PKHD1L1: variants seen among roughly 807,000 people sequenced by gnomAD.
PKHD1L1 encodes the protein PKHD1 like 1.
A neutral mutation model predicts 462.9 loss-of-function variants in PKHD1L1; 434 were observed. That is an observed-to-expected ratio of 0.94 (90% confidence interval 0.87 to 1.02). The LOEUF (loss-of-function observed/expected upper bound fraction) is 1.02, where lower values mean the gene tolerates loss of function less well. PKHD1L1 is among the 50% of genes least tolerant of loss of function. PKHD1L1 has a pLI of 0.00. For synonymous variants in PKHD1L1, 1,781 were observed against 1,750.0 expected (o/e 1.02, Z -0.44); for missense variants, 5,202 against 5,096.1 (o/e 1.02, Z -0.63).
In PKHD1L1 at chr8:109,448,482, C is replaced by T. The variant is rs1017299555; in HGVS notation, c.6025+91C>T. 3.2e-6 allele frequency: 4 copies of T among 1,233,698 alleles called. No homozygotes were observed. The African/African-American group carries it at 4.7e-5, about 14-fold the overall frequency. 76.4% of individuals were successfully genotyped at this position (1,233,698 alleles called of 1,614,324 possible). On this transcript the variant is annotated intron_variant, in intron 39 of 77. Coordinates refer to ENST00000378402, the MANE Select transcript of PKHD1L1 (RefSeq NM_177531.6). The stretch of plus-strand genomic sequence containing the variant: ...TTTAGAAAATAATATGTTACTCAAA[C>T]ACATAAAATTTCTAGTGTTTTTTTT...
chr8:109,415,861 AGGGGTGTGT>A (rs1364308278), intron 21 of PKHD1L1, among the ~76,000 whole-genome samples: 6 of 58,576 alleles, frequency 1.0e-4, no homozygotes, highest in African/African-American at 2.5e-4. Context: ...AAAAAAAAAA[AGGGGTGTGT>A]GTGTGTGTGT....
intron 56 of PKHD1L1, among the ~76,000 whole-genome samples, chr8:109,482,602 ATCTT>A (rs1197967670): frequency 7.9e-5 from 12 of 151,772 alleles, no homozygotes; most frequent in Admixed American, 3.3e-4. Context: ...TATTATGAAA[ATCTT>A]TCCTGATTTA....
At chr8:109,474,373 A>G (rs1265731912) in intron 50 of PKHD1L1, among the ~76,000 whole-genome samples, 1 of 152,184 alleles carries the variant, frequency 6.6e-6, no homozygotes. Context: ...AGAACTTTTC[A>G]AATCTTCTAT....
intron 2 of PKHD1L1, among the ~76,000 whole-genome samples, chr8:109,377,824 C>T (rs999076571): frequency 6.6e-6 from 1 of 152,016 alleles, no homozygotes; most frequent in African/African-American, 2.4e-5. Flanking sequence ...GGTTTTATTT[C>T]TTGGGTTTAT....
chr8:109,477,100 T>G lies in PKHD1L1; in HGVS notation c.8918-125T>G, dbSNP rs1818027061. 7.4e-6 allele frequency: 6 copies of G among 815,016 alleles called. No individual in the cohort carries two copies. The Admixed American group carries it at 1.3e-4, about 18-fold the overall frequency. The allele number at this position is 815,016 out of a possible 1,614,324, so 50.5% of individuals were successfully genotyped here. Reference sequence around the variant, plus strand: ...ATTATCAGAATTTCTCCATACCTCTTCCATACATGTGAATTATAATTCAAG... The same window carrying G: ...ATTATCAGAATTTCTCCATACCTCTGCCATACATGTGAATTATAATTCAAG... On this transcript the variant is annotated intron_variant, in intron 52 of 77. Coordinates refer to ENST00000378402, the MANE Select transcript of PKHD1L1 (RefSeq NM_177531.6).
intron 53 of PKHD1L1, among the ~76,000 whole-genome samples, chr8:109,478,639 C>A (rs1818119577): frequency 6.6e-6 from 1 of 151,942 alleles, no homozygotes; most frequent in South Asian, 2.1e-4. Context: ...TGTGGCATGT[C>A]AAACAATGGA....
At chr8:109,521,605 G>A (rs934782568) in intron 73 of PKHD1L1, among the ~76,000 whole-genome samples, 5 of 152,108 alleles carry the variant, frequency 3.3e-5, no homozygotes, top group African/African-American at 1.2e-4. Flanking sequence ...AAGGAGCACT[G>A]TGGGGGCAGA....
intron 57 of PKHD1L1, among the ~76,000 whole-genome samples, chr8:109,483,976 A>G (rs1437888347): frequency 5.3e-5 from 8 of 151,840 alleles, no homozygotes; most frequent in Admixed American, 3.3e-4. Flanking sequence ...AAGAAAAATT[A>G]GAGAAATGGA....
Position 109,454,757 on chromosome 8 carries a change from CT to C in PKHD1L1, c.6780del (p.Val2261SerfsTer37), listed in dbSNP as rs1563563350. 3.1e-6 allele frequency: 5 copies of C among 1,613,804 alleles called. No individual in the cohort carries two copies. The highest frequency in any genetic ancestry group is 4.2e-6 in the Non-Finnish European group (5 of 1,179,784). Reference protein sequence around the residue: ...GTETSPFQHKAVITLHGHLRS... With the variant: ...GTETSPFQHKXVITLHGHLRS... Reference sequence around the variant, plus strand: ...GAGACATCCCCATTCCAACACAAGGCTGTCATTACCTTGCATGGTCACCTGC... The same window carrying C: ...GAGACATCCCCATTCCAACACAAGGCGTCATTACCTTGCATGGTCACCTGC... On this transcript the variant is annotated frameshift_variant, in exon 45 of 78. Coordinates refer to ENST00000378402, the MANE Select transcript of PKHD1L1 (RefSeq NM_177531.6). LOFTEE classifies it high-confidence loss of function.
In PKHD1L1 at chr8:109,436,457, A is replaced by G; in HGVS notation, c.3625A>G (p.Lys1209Glu). 1 of 1,611,776 alleles carries G rather than the reference A, an allele frequency of 6.2e-7. No homozygotes were observed. The highest frequency in any genetic ancestry group is 1.1e-5 in the South Asian group (1 of 90,482). The stretch of plus-strand genomic sequence containing the variant: ...GAATAGGATAACCTGCAGGACACCA[A>G]AAGTAAGGCCTCTGATTTCAGTCAC... ...DLNRITCRTP[K>E]KTEGTVDISV... Residue 1209 changes from lysine (K) to glutamate (E), a missense_variant and splice_region_variant, in exon 30 of 78, where the codon AAA becomes GAA. Lys to Glu is a moderately conservative substitution (Grantham distance 56). Coordinates refer to ENST00000378402, the MANE Select transcript of PKHD1L1 (RefSeq NM_177531.6).
At chr8:109,476,744 ATGTGT>A (rs1028876247) in intron 52 of PKHD1L1, 77 bp downstream of exon 52, 165 of 1,342,828 alleles carry the variant, frequency 1.2e-4, no homozygotes, top group Non-Finnish European at 3.4e-5. Flanking sequence ...TAATAAGCAA[ATGTGT>A]TGTGCAGTGC....
chr8:109,375,746 T>C (rs1206613391), intron 2 of PKHD1L1, among the ~76,000 whole-genome samples: 1 of 152,222 alleles, frequency 6.6e-6, no homozygotes, highest in Admixed American at 6.5e-5. Context: ...ACAGGTCTGT[T>C]GGCATTTGCT....
intron 50 of PKHD1L1, among the ~76,000 whole-genome samples, chr8:109,467,482 T>C (rs1336654381): frequency 3.4e-5 from 5 of 147,760 alleles, no homozygotes; most frequent in Non-Finnish European, 7.4e-5. Context: ...TCCTAGAGTA[T>C]AGAGTATCCA....
chr8:109,466,320 C>T (rs939069045), intron 49 of PKHD1L1, among the ~76,000 whole-genome samples: 1 of 152,128 alleles, frequency 6.6e-6, no homozygotes, highest in East Asian at 1.9e-4. Flanking sequence ...ATCCCACTTC[C>T]CATTTCCAAG....
At position 109,435,808 on chromosome 8, in the gene PKHD1L1, ATTTG is replaced by A. The variant is rs145028670; in HGVS notation, c.3505+462_3505+465del. 9.7e-3 allele frequency among the ~76,000 whole-genome samples: 1,467 copies of A among 151,916 alleles called. 18 individuals are homozygous for A. Among genetic ancestry groups the A allele is most frequent in the Non-Finnish European group, 0.014 (924 of 67,926 alleles). On this transcript the variant is annotated intron_variant, in intron 29 of 77. Transcript: ENST00000378402. Reference sequence around the variant, plus strand: ...CTGTCCTGCTTCATTTCCTTTGTACATTTGTTTGTTTTTTTTACCAGGCGTAGTT... The same window carrying A: ...CTGTCCTGCTTCATTTCCTTTGTACATTTGTTTTTTTTACCAGGCGTAGTT...
chr8:109,454,743 A>T lies in PKHD1L1; in HGVS notation c.6765A>T (p.Pro2255=). 1 of 1,613,766 alleles carries T rather than the reference A, an allele frequency of 6.2e-7. No homozygotes were observed. The highest frequency in any genetic ancestry group is 8.5e-7 in the Non-Finnish European group (1 of 1,179,770). The change falls in exon 45 of 78, where the codon CCA becomes CCT. Residue 2255 remains proline, a synonymous_variant. Transcript: ENST00000378402. The part of the protein sequence containing the change: ...GVLQIGTETS[P]FQHKAVITLH... ...TGCAGATTGGAACAGAGACATCCCC[A>T]TTCCAACACAAGGCTGTCATTACCT...
In PKHD1L1 at chr8:109,443,836, TG is replaced by T. The variant is rs1484326403; in HGVS notation, c.4727del (p.Gly1576GlufsTer3). On this transcript the variant is annotated frameshift_variant, in exon 37 of 78. Transcript: ENST00000378402. LOFTEE classifies it high-confidence loss of function. ...CTATAAGCAACATTACTCCGTCCAC[TG>T]GAACAGTAAATGAACTAATAACAAT... ...PSISNITPST[G>X]TVNELITIIG... 9 of 1,613,860 alleles carry T rather than the reference TG, an allele frequency of 5.6e-6. No homozygotes were observed. In the East Asian group the frequency reaches 2.0e-4, roughly 36 times the overall value.
chr8:109,512,523 T>G (rs1248802283), intron 71 of PKHD1L1, among the ~76,000 whole-genome samples: 1 of 152,110 alleles, frequency 6.6e-6, no homozygotes, highest in African/African-American at 2.4e-5. Context: ...CGGCATTATT[T>G]CTGAGGGCTC....
At chr8:109,413,013 C>G (rs971335579) in intron 20 of PKHD1L1, among the ~76,000 whole-genome samples, 1 of 152,090 alleles carries the variant, frequency 6.6e-6, no homozygotes, top group Non-Finnish European at 1.5e-5. Flanking sequence ...TCATCTCTCT[C>G]TCTAAATGTT....
Sources: gnomAD v4.1 joint callset for allele counts (sites outside exome capture counted in the v4.1 genomes callset) on GRCh38, gnomAD v4.1.1 for gene constraint, MANE v1.5 for transcripts, NCBI Gene and HGNC (gene_info 2026-07-23, HGNC 2026-07-21) for gene names.